The following SPC25 variants were observed in gnomAD, a reference collection of about 807,000 sequenced individuals.
SPC25 encodes SPC25 component of NDC80 kinetochore complex.
In SPC25, 22 loss-of-function variants were observed where a neutral mutation model predicts 29.6. That is an observed-to-expected ratio of 0.74 (90% confidence interval 0.53 to 1.06). The LOEUF (loss-of-function observed/expected upper bound fraction) is 1.06, where lower values mean the gene tolerates loss of function less well. Ranked by LOEUF, SPC25 falls within the 50% of genes least tolerant of loss-of-function variation. The pLI is 0.00. For missense variants in SPC25, 230 were observed against 255.8 expected, an observed-to-expected ratio of 0.90 and a Z score of 0.69; for synonymous variants, 91 against 90.4, an observed-to-expected ratio of 1.01 and a Z score of -0.04.
At position 168,876,186 on chromosome 2, in the gene SPC25, A is replaced by G; in HGVS notation, c.347-10T>C. 6.7e-7 allele frequency: 1 copy of G among 1,501,818 alleles called. No homozygotes were observed. The highest frequency in any genetic ancestry group is 1.3e-5 in the South Asian group (1 of 75,726). 93.0% of individuals were successfully genotyped at this position (1,501,818 alleles called of 1,614,324 possible). On this transcript the variant is annotated splice_polypyrimidine_tract_variant and intron_variant, in intron 4 of 6. Transcript: ENST00000282074. ...TTAGCAGTAGAAATAGCTGATTAAA[A>G]AACACACACAATATTAAATGTTTTA...
intron 3 of SPC25, among the ~76,000 whole-genome samples, chr2:168,883,521 A>T (rs959266341): frequency 1.3e-5 from 2 of 152,238 alleles, no homozygotes; most frequent in African/African-American, 2.4e-5. Context: ...GATTCAGCTT[A>T]TCAGTTCTTA....
At chr2:168,874,402 G>A (rs1690050132) in intron 5 of SPC25, among the ~76,000 whole-genome samples, 1 of 152,242 alleles carries the variant, frequency 6.6e-6, no homozygotes, top group Non-Finnish European at 1.5e-5. Context: ...AATTGAAAAC[G>A]GAGACTCAAG....
intron 1 of SPC25, 37 bp from the exon 2 acceptor site, chr2:168,889,570 T>A (rs768468685): frequency 6.4e-7 from 1 of 1,572,680 alleles, no homozygotes; most frequent in Non-Finnish European, 8.6e-7. Context: ...TTTAAGTTAC[T>A]GAAATCAAAT....
intron 4 of SPC25, among the ~76,000 whole-genome samples, chr2:168,863,027 AAGAC>A (rs10569466): frequency 0.87 from 132,788 of 151,846 alleles, 58,264 homozygotes; most frequent in African/African-American, 0.96. Context: ...ATGTGAATAA[AAGAC>A]AGACATACTT....
intron 5 of SPC25, among the ~76,000 whole-genome samples, chr2:168,874,263 A>G (rs1690047605): frequency 6.6e-6 from 1 of 152,198 alleles, no homozygotes. Context: ...CTGGAACCCT[A>G]GCACATTGCT....
At position 168,864,304 on chromosome 2, in the gene SPC25, A is replaced by G. The variant is rs556048859; in HGVS notation, n.419+9281T>C. Among the ~76,000 whole-genome samples, 19 of 145,276 alleles carry G rather than the reference A, an allele frequency of 1.3e-4. 1 individual carries two copies. Among genetic ancestry groups the G allele is most frequent in the African/African-American group, 4.6e-4 (18 of 38,710 alleles). On this transcript the variant is annotated intron_variant and non_coding_transcript_variant, in intron 4 of 4. Transcript: ENST00000479309. ...GATCCTGTTTTTTTTTTTCTGAGAC[A>G]GAGTCTTGCCCTGTTGCTGTTGCCC...
chr2:168,878,716 A>G (rs956880491), intron 3 of SPC25, among the ~76,000 whole-genome samples: 1 of 152,246 alleles, frequency 6.6e-6, no homozygotes, highest in Non-Finnish European at 1.5e-5. Flanking sequence ...ACATAACACC[A>G]GTGATTAATA....
intron 4 of SPC25, among the ~76,000 whole-genome samples, chr2:168,865,678 T>C (rs1689823279): frequency 6.6e-6 from 1 of 152,168 alleles, no homozygotes; most frequent in East Asian, 1.9e-4. Context: ...GGAAGTCAAA[T>C]TGTCCCTGTT....
chr2:168,878,363 G>C (rs1045572932), intron 3 of SPC25, among the ~76,000 whole-genome samples: 1 of 152,114 alleles, frequency 6.6e-6, no homozygotes, highest in African/African-American at 2.4e-5. Context: ...GAATTGAAGA[G>C]ACATTTCATA....
intron 3 of SPC25, 73 bp from the exon 4 acceptor site, chr2:168,877,457 T>C: frequency 1.3e-6 from 2 of 1,517,138 alleles, no homozygotes; most frequent in Non-Finnish European, 1.8e-6. Flanking sequence ...GGCCAAAGTT[T>C]ACTGACTTTC....
intron 4 of SPC25, chr2:168,865,269 G>T (rs569044786): frequency 2.4e-4 from 64 of 265,038 alleles, no homozygotes; most frequent in Non-Finnish European, 4.2e-4. Context: ...GGAGTCCAAG[G>T]TGGGTTCAGC....
chr2:168,870,088 C>G (rs575564424), downstream of SPC25, among the ~76,000 whole-genome samples: 1 of 150,532 alleles, frequency 6.6e-6, no homozygotes, highest in Admixed American at 6.6e-5. Flanking sequence ...ACAAACCTGA[C>G]AAAAACAAGC....
chr2:168,869,347 T>C (rs1689934296), downstream of SPC25, among the ~76,000 whole-genome samples: 1 of 152,132 alleles, frequency 6.6e-6, no homozygotes, highest in Non-Finnish European at 1.5e-5. Context: ...GTGTTGGAAG[T>C]TCTGGCCAGG....
intron 3 of SPC25, among the ~76,000 whole-genome samples, chr2:168,880,414 TTCC>T (rs1321105683): frequency 2.6e-5 from 4 of 152,244 alleles, no homozygotes; most frequent in Non-Finnish European, 5.9e-5. Flanking sequence ...CTTCTGAAAC[TTCC>T]TCATCTTTCT....
In SPC25 at chr2:168,871,421, T is replaced by C. The variant is rs1689981244; in HGVS notation, c.*10A>G. ...AAAAATAAACCGTTTTTATATACAC[T>C]ATTTGTATGTTAATTATAAACCGTG... On this transcript the variant is annotated 3_prime_UTR_variant, in exon 7 of 7. Coordinates refer to ENST00000282074, the MANE Select transcript of SPC25 (RefSeq NM_020675.4). 1 of 1,589,518 alleles carries C rather than the reference T, an allele frequency of 6.3e-7. No individual in the cohort carries two copies. Among genetic ancestry groups the C allele is most frequent in the South Asian group, 1.2e-5 (1 of 85,150 alleles).
chr2:168,880,420 A>G (rs1690158276), intron 3 of SPC25, among the ~76,000 whole-genome samples: 1 of 152,176 alleles, frequency 6.6e-6, no homozygotes, highest in African/African-American at 2.4e-5. Context: ...AAACTTCCTC[A>G]TCTTTCTCAA....
At chr2:168,868,181 A>T (rs1689904228), downstream of SPC25, among the ~76,000 whole-genome samples, 1 of 152,270 alleles carries the variant, frequency 6.6e-6, no homozygotes, top group South Asian at 2.1e-4. Flanking sequence ...AACATACCAG[A>T]ATCTCTGGGA....
chr2:168,864,441 A>G (rs1374883086), intron 4 of SPC25, among the ~76,000 whole-genome samples: 1 of 151,582 alleles, frequency 6.6e-6, no homozygotes, highest in South Asian at 2.1e-4. Flanking sequence ...GTGCGCCACC[A>G]CACCCAGCTA....
intron 3 of SPC25, among the ~76,000 whole-genome samples, chr2:168,881,226 C>T (rs980250770): frequency 6.6e-6 from 1 of 152,168 alleles, no homozygotes; most frequent in Non-Finnish European, 1.5e-5. Flanking sequence ...ACCTTCCCTG[C>T]CTTCCCCATG....
Sources: gnomAD v4.1 joint callset for allele counts (sites outside exome capture counted in the v4.1 genomes callset) on GRCh38, gnomAD v4.1.1 for gene constraint, MANE v1.5 for transcripts, NCBI Gene and HGNC (gene_info 2026-07-23, HGNC 2026-07-21) for gene names.